The following IFT74 variants were observed in gnomAD, a reference collection of about 807,000 sequenced individuals.
The protein encoded by IFT74 is intraflagellar transport protein 74 homolog.
A neutral mutation model predicts 96.7 loss-of-function variants in IFT74; 92 were observed. The observed-to-expected ratio is 0.95, with a 90% confidence interval of 0.80 to 1.13. The LOEUF (loss-of-function observed/expected upper bound fraction) is 1.13, where lower values mean the gene tolerates loss of function less well. IFT74 is among the 50% of genes most tolerant of loss of function. The probability of loss-of-function intolerance (pLI) is 0.00; values close to 1 mark genes in which losing one functional copy is unlikely to be tolerated. For missense variants in IFT74, 811 were observed against 698.2 expected, an observed-to-expected ratio of 1.16 and a Z score of -1.82; for synonymous variants, 223 against 213.2, an observed-to-expected ratio of 1.05 and a Z score of -0.40.
chr9:27,020,664 CG>C (rs1453382733), intron 12 of IFT74, among the ~76,000 whole-genome samples: 2 of 151,774 alleles, frequency 1.3e-5, no homozygotes, highest in East Asian at 3.9e-4. Context: ...TTAGTAGAGA[CG>C]GGGTTTCACT....
Position 27,018,703 on chromosome 9 carries a change from C to G in IFT74, c.974+16C>G, listed in dbSNP as rs569718762. 11 of 1,464,508 alleles carry G rather than the reference C, an allele frequency of 7.5e-6. No homozygotes were observed. The highest frequency in any genetic ancestry group is 1.4e-5 in the African/African-American group (1 of 72,040). The allele number at this position is 1,464,508 out of a possible 1,614,324, so 90.7% of individuals were successfully genotyped here. A position where few individuals can be genotyped will look rare whatever the true frequency, so the allele number is the denominator to read the frequency against. On this transcript the variant is annotated intron_variant, in intron 12 of 19. Coordinates refer to ENST00000380062, the MANE Select transcript of IFT74 (RefSeq NM_025103.4). ...TGGAAAGACAGTAAGTATCTTTATA[C>G]TAGGACATTTTACATCCATTTCTCA...
At chr9:26,965,096 A>G (rs1253278486) in intron 2 of IFT74, among the ~76,000 whole-genome samples, 1 of 152,216 alleles carries the variant, frequency 6.6e-6, no homozygotes, top group Non-Finnish European at 1.5e-5. Context: ...AGGCTGTTAG[A>G]TAGTCATTAC....
chr9:27,057,642 G>A (rs563706520), intron 18 of IFT74, among the ~76,000 whole-genome samples: 2 of 152,230 alleles, frequency 1.3e-5, no homozygotes, highest in Non-Finnish European at 2.9e-5. Flanking sequence ...CGGATCACGA[G>A]GTCAGGAGAT....
intron 13 of IFT74, among the ~76,000 whole-genome samples, chr9:27,042,472 G>C (rs1819523722): frequency 6.6e-6 from 1 of 152,158 alleles, no homozygotes; most frequent in South Asian, 2.1e-4. Context: ...AAATATTACA[G>C]AGTAAGATAA....
At position 27,055,612 on chromosome 9, in the gene IFT74, T is replaced by C. The variant is rs1481378861; in HGVS notation, c.1337T>C (p.Ile446Thr). Residue 446 changes from isoleucine to threonine, a missense_variant, in exon 17 of 20, where the codon ATT (isoleucine) becomes ACT (threonine). Physicochemically the swap from Ile to Thr is moderately conservative, Grantham distance 89. Transcript: ENST00000380062. Reference protein sequence around the residue: ...QSTAQNLTSDIQRLQLDLQKM... With the variant: ...QSTAQNLTSDTQRLQLDLQKM... The stretch of plus-strand genomic sequence containing the variant: ...ACCTTAAATTCTTATGTTTCAGACA[T>C]TCAACGTCTGCAGTTGGATCTGCAG... 2 of 1,573,126 alleles carry C rather than the reference T, an allele frequency of 1.3e-6. No individual in the cohort carries two copies. Among genetic ancestry groups the C allele is most frequent in the Admixed American group, 4.0e-5 (2 of 49,920 alleles).
At chr9:26,953,920 A>G (rs1346156421), upstream of IFT74, among the ~76,000 whole-genome samples, 4 of 152,210 alleles carry the variant, frequency 2.6e-5, no homozygotes, top group Non-Finnish European at 5.9e-5. Context: ...GTAACTGGCC[A>G]TATTCAGTAC....
chr9:26,960,726 G>T (rs1826316395), intron 1 of IFT74, among the ~76,000 whole-genome samples: 1 of 152,142 alleles, frequency 6.6e-6, no homozygotes, highest in South Asian at 2.1e-4. Context: ...TGAGAAAAGG[G>T]TAGGAGAGGA....
chr9:27,041,012 A>G (rs1217320877), intron 13 of IFT74, among the ~76,000 whole-genome samples: 1 of 152,166 alleles, frequency 6.6e-6, no homozygotes, highest in East Asian at 1.9e-4. Flanking sequence ...CCCTTACTGC[A>G]CTGCTGGCTA....
At chr9:27,024,255 G>C (rs750664152) in intron 12 of IFT74, among the ~76,000 whole-genome samples, 18 of 152,154 alleles carry the variant, frequency 1.2e-4, no homozygotes, top group Non-Finnish European at 2.4e-4. Flanking sequence ...AACTCTCACA[G>C]AATCCACTTC....
At chr9:27,055,105 G>A (rs1272634822) in intron 16 of IFT74, among the ~76,000 whole-genome samples, 1 of 152,100 alleles carries the variant, frequency 6.6e-6, no homozygotes, top group Non-Finnish European at 1.5e-5. Context: ...ACTTAACTCT[G>A]TATTTCCTTT....
chr9:27,025,313 C>T (rs145027212), intron 12 of IFT74, among the ~76,000 whole-genome samples: 44 of 151,764 alleles, frequency 2.9e-4, no homozygotes, highest in African/African-American at 8.0e-4. Context: ...CATGGTGGCA[C>T]GCACCTGTAG....
intron 12 of IFT74, among the ~76,000 whole-genome samples, chr9:27,028,140 T>C (rs1829958126): frequency 6.6e-6 from 1 of 152,202 alleles, no homozygotes; most frequent in Admixed American, 6.5e-5. Flanking sequence ...CTCACAATTT[T>C]AGTCCATTGA....
intron 13 of IFT74, chr9:27,036,449 G>C: frequency 6.2e-7 from 1 of 1,613,514 alleles, no homozygotes; most frequent in South Asian, 1.1e-5. Context: ...TTCATCTGCA[G>C]ATCCTACCAA....
intron 12 of IFT74, among the ~76,000 whole-genome samples, chr9:27,019,784 GTA>G (rs1829511211): frequency 6.6e-6 from 1 of 151,524 alleles, no homozygotes; most frequent in South Asian, 2.1e-4. Context: ...CACTTCTCTT[GTA>G]TATATACCTA....
At position 26,997,731 on chromosome 9, in the gene IFT74, A is replaced by T. The variant is rs748518321; in HGVS notation, c.587+7536A>T. On this transcript the variant is annotated intron_variant, in intron 8 of 19. Transcript: ENST00000380062. Reference sequence around the variant, plus strand: ...TTGCTTAATTATGATAGCTTACCTAATGTCACATTTGATGTGTTCAACCAG... The same window carrying T: ...TTGCTTAATTATGATAGCTTACCTATTGTCACATTTGATGTGTTCAACCAG... 1.9e-6 allele frequency: 3 copies of T among 1,589,910 alleles called. No homozygotes were observed. In the African/African-American group the frequency reaches 4.1e-5, roughly 22 times the overall value.
At chr9:27,016,409 C>T (rs540119977) in intron 10 of IFT74, among the ~76,000 whole-genome samples, 1 of 152,262 alleles carries the variant, frequency 6.6e-6, no homozygotes, top group Admixed American at 6.5e-5. Context: ...GAGCTTATTT[C>T]CAAATAAAGG....
At chr9:26,951,396 T>C (rs1825925785) in intron 1 of IFT74, among the ~76,000 whole-genome samples, 1 of 152,190 alleles carries the variant, frequency 6.6e-6, no homozygotes, top group South Asian at 2.1e-4. Flanking sequence ...GCATTTTTTT[T>C]TTAACTAAAA....
Position 26,961,991 on chromosome 9 carries a change from A to G in IFT74, c.24A>G (p.Ser8=). 6.2e-7 allele frequency: 1 copy of G among 1,614,204 alleles called. No individual in the cohort carries two copies. The highest frequency in any genetic ancestry group is 1.3e-5 in the African/African-American group (1 of 75,060). The change falls in exon 2 of 20, where the codon TCA becomes TCG. Residue 8 remains serine, a synonymous_variant. Transcript: ENST00000380062. MASNHKS[S]AARPVSRGGV... is the part of the protein sequence containing the mutation. ...CAATGGCCAGCAATCACAAATCTTC[A>G]GCAGCTCGCCCTGTTTCAAGAGGTG...
intron 8 of IFT74, among the ~76,000 whole-genome samples, chr9:26,997,068 C>T (rs946908712): frequency 2.6e-5 from 4 of 151,760 alleles, no homozygotes; most frequent in Non-Finnish European, 4.4e-5. Flanking sequence ...AAAAATTAGC[C>T]AGGCGTGGTG....
Sources: allele counts gnomAD v4.1 joint callset (sites outside exome capture counted in the v4.1 genomes callset), GRCh38; gene constraint gnomAD v4.1.1; transcripts MANE v1.5; gene names NCBI Gene and HGNC (gene_info 2026-07-23, HGNC 2026-07-21).